The following MYO10 variants were observed in gnomAD, a reference collection of about 807,000 sequenced individuals.
The protein encoded by MYO10 is unconventional myosin-X.
Under a neutral mutation model 257.3 loss-of-function variants are expected in MYO10, and 133 were observed. The observed-to-expected ratio is 0.52, with a 90% CI of 0.45 to 0.60. MYO10 has a LOEUF of 0.60. Ranked by LOEUF, MYO10 falls within the 20% of genes least tolerant of loss-of-function variation. MYO10 has a pLI of 0.00. For missense variants in MYO10, 2,399 were observed against 2,635.7 expected, an observed-to-expected ratio of 0.91 and a Z score of 1.97; for synonymous variants, 1,104 against 1,028.6, an observed-to-expected ratio of 1.07 and a Z score of -1.40.
In MYO10 at chr5:16,917,779, G is replaced by C. The variant is rs550546693; in HGVS notation, c.21+18009C>G. ...GTCCCAGCTACTCAAAAGGCCGAAC[G>C]GGGGAGAATCTCTTGAGCCCAGGAG... On this transcript the variant is annotated intron_variant, in intron 1 of 40. Transcript: ENST00000513610. 9.5e-4 allele frequency among the ~76,000 whole-genome samples: 145 copies of C among 152,114 alleles called. 2 individuals carry two copies. The highest frequency in any genetic ancestry group is 1.8e-3 in the Non-Finnish European group (125 of 67,970).
chr5:16,781,665 G>C (rs868475829), intron 6 of MYO10, 40 bp downstream of exon 6: 4 of 1,572,216 alleles, frequency 2.5e-6, no homozygotes, highest in Non-Finnish European at 3.5e-6. Flanking sequence ...TCCACTTAGA[G>C]AATCAATTAC....
chr5:16,772,180 T>C (rs1741072848), intron 9 of MYO10, among the ~76,000 whole-genome samples: 1 of 151,914 alleles, frequency 6.6e-6, no homozygotes, highest in African/African-American at 2.4e-5. Flanking sequence ...TTGCCCAGGC[T>C]GGAGTGCAAT....
intron 9 of MYO10, among the ~76,000 whole-genome samples, chr5:16,772,943 G>T (rs533818502): frequency 6.6e-6 from 1 of 152,134 alleles, no homozygotes; most frequent in Non-Finnish European, 1.5e-5. Flanking sequence ...CTGGGAAGGG[G>T]CACAGAGAAA....
chr5:16,666,786 T>G lies in MYO10; in HGVS notation c.6083A>C (p.Asp2028Ala). 6.2e-7 allele frequency: 1 copy of G among 1,601,082 alleles called. No homozygotes were observed. Among genetic ancestry groups the G allele is most frequent in the Non-Finnish European group, 8.5e-7 (1 of 1,175,438 alleles). The change falls in exon 41 of 41, where the codon GAT (aspartate) becomes GCT (alanine). Residue 2028 changes from aspartate to alanine, a missense_variant. Coordinates refer to ENST00000513610, the MANE Select transcript of MYO10 (RefSeq NM_012334.3). Reference protein sequence around the residue: ...ELLFETSEVVDVAKLMKAYIS... With the variant: ...ELLFETSEVVAVAKLMKAYIS... Reference sequence around the variant, plus strand: ...GTAGGCTTTCATGAGCTTGGCCACATCCACCACCTGCCCAGGGGGAAGCAG... The same window carrying G: ...GTAGGCTTTCATGAGCTTGGCCACAGCCACCACCTGCCCAGGGGGAAGCAG...
chr5:16,872,099 A>G (rs1411014289), intron 2 of MYO10, among the ~76,000 whole-genome samples: 4 of 152,196 alleles, frequency 2.6e-5, no homozygotes, highest in Non-Finnish European at 5.9e-5. Context: ...CCTCACTAAG[A>G]GCTGCCCATG....
At chr5:16,879,289 T>A (rs1028601481) in intron 1 of MYO10, among the ~76,000 whole-genome samples, 29 of 152,220 alleles carry the variant, frequency 1.9e-4, no homozygotes, top group Non-Finnish European at 4.3e-4. Context: ...TTTTGTTAAA[T>A]ATTTGAAATA....
At position 16,670,725 on chromosome 5, in the gene MYO10, G is replaced by A. The variant is rs778937404; in HGVS notation, c.5684C>T (p.Thr1895Ile). The change falls in exon 39 of 41, where the codon ACA becomes ATA. Residue 1895 changes from threonine to isoleucine, a missense_variant. Coordinates refer to ENST00000513610, the MANE Select transcript of MYO10 (RefSeq NM_012334.3). ...LEGTLRRSFRTGSVVRQKVEE... is the reference protein window; with the variant it reads ...LEGTLRRSFRIGSVVRQKVEE... ...GACCTTCTGCCGGACCACGGATCCT[G>A]TCCGGAAGCTCCGCCTCAGGGTCCC... 6.2e-7 allele frequency: 1 copy of A among 1,614,038 alleles called. No homozygotes were observed. Among genetic ancestry groups the A allele is most frequent in the Admixed American group, 1.7e-5 (1 of 60,024 alleles).
intron 31 of MYO10, 97 bp downstream of exon 31, chr5:16,681,774 G>A (rs1032405590): frequency 1.4e-6 from 2 of 1,400,852 alleles, no homozygotes; most frequent in African/African-American, 2.9e-5. Context: ...TAAAATGACT[G>A]GGAAAAGCAG....
chr5:16,773,763 T>TA (rs1013756443), intron 9 of MYO10, among the ~76,000 whole-genome samples: 9 of 150,862 alleles, frequency 6.0e-5, no homozygotes, highest in African/African-American at 1.7e-4. Flanking sequence ...GGTTAAGTTC[T>TA]AAAAAAAAAT....
chr5:16,935,639 C>G (rs1746418695), intron 1 of MYO10, 149 bp downstream of exon 1: 1 of 889,842 alleles, frequency 1.1e-6, no homozygotes, highest in Admixed American at 2.1e-5. Flanking sequence ...ATCAGAGACT[C>G]CGCGGGGGGA....
At chr5:16,697,141 C>G (rs1356751209) in intron 26 of MYO10, among the ~76,000 whole-genome samples, 1 of 152,096 alleles carries the variant, frequency 6.6e-6, no homozygotes, top group Non-Finnish European at 1.5e-5. Flanking sequence ...CTCCCCTAAA[C>G]CAAACCTTCT....
At chr5:16,797,546 C>A (rs1742006440) in intron 3 of MYO10, among the ~76,000 whole-genome samples, 1 of 152,196 alleles carries the variant, frequency 6.6e-6, no homozygotes, top group Non-Finnish European at 1.5e-5. Flanking sequence ...AAGCACCATT[C>A]ACAACAGCCA....
Position 16,673,840 on chromosome 5 carries a change from T to C in MYO10, c.5014A>G (p.Thr1672Ala), listed in dbSNP as rs751655158. 38 of 1,613,844 alleles carry C rather than the reference T, an allele frequency of 2.4e-5. No individual in the cohort carries two copies. The Middle Eastern group carries it at 4.9e-4, about 21-fold the overall frequency. The change falls in exon 36 of 41, where the codon ACT (threonine) becomes GCT (alanine). Residue 1672 changes from threonine to alanine, a missense_variant. Physicochemically the swap from Thr to Ala is moderately conservative, Grantham distance 58 (BLOSUM62 0). This residue lies in a region of MYO10 where 1,820 missense variants were observed against 1,939.4 expected (regional missense o/e 0.94). Transcript: ENST00000513610. Reference protein sequence around the residue: ...GSEMEKYALFTYESLKKTKCR... With the variant: ...GSEMEKYALFAYESLKKTKCR... ...TTGGTTTTCTTAAGAGATTCGTAAG[T>C]GAAGAGAGCGTATTTTTCCATCTCG... is the stretch of plus-strand genomic sequence containing the variant.
intron 2 of MYO10, among the ~76,000 whole-genome samples, chr5:16,849,371 A>G (rs985820468): frequency 6.6e-6 from 1 of 152,008 alleles, no homozygotes; most frequent in Admixed American, 6.5e-5. Context: ...TAAGTCAGTT[A>G]TGAGTAAATG....
At chr5:16,683,745 G>C in intron 30 of MYO10, 135 bp downstream of exon 30, 1 of 772,528 alleles carries the variant, frequency 1.3e-6, no homozygotes, top group Non-Finnish European at 2.1e-6. Flanking sequence ...GGATTGCTGG[G>C]GTTGACAAGG....
At chr5:16,861,531 C>A (rs1052574187) in intron 2 of MYO10, among the ~76,000 whole-genome samples, 2 of 152,084 alleles carry the variant, frequency 1.3e-5, no homozygotes, top group Admixed American at 1.3e-4. Context: ...GAGATCGCGC[C>A]ATGGCACTCC....
chr5:16,762,635 T>A lies in MYO10; in HGVS notation c.1497A>T (p.Lys499Asn). 6.3e-7 allele frequency: 1 copy of A among 1,595,678 alleles called. No homozygotes were observed. The highest frequency in any genetic ancestry group is 1.1e-5 in the South Asian group (1 of 87,714). ...CATTGATAAGGGCTAGGAGGCCAAGTTTCTAGAAGAAGAAAAAGAAAAAAT... is the reference window on the plus strand; with the variant it reads ...CATTGATAAGGGCTAGGAGGCCAAGATTCTAGAAGAAGAAAAAGAAAAAAT... ...NGECLDLIEK[K>N]LGLLALINEE... The change falls in exon 15 of 41, where the codon AAA becomes AAT. Residue 499 changes from lysine (K) to asparagine (N), a missense_variant and splice_region_variant. By Grantham distance (94) the Lys-to-Asn change is moderately conservative. Transcript: ENST00000513610.
chr5:16,667,515 T>C (rs1736230665), intron 40 of MYO10, among the ~76,000 whole-genome samples: 2 of 152,166 alleles, frequency 1.3e-5, no homozygotes, highest in African/African-American at 4.8e-5. Context: ...CAGTGGTTCC[T>C]TGTTGTCTAC....
rs1255174654 is a variant in MYO10, at chr5:16,689,863, C to G, written c.3857G>C (p.Arg1286Thr). ...ENGIDIIMAD[R>T]TFHLIAESPE... ...GGACTCTGCAATCAGGTGGAAAGTC[C>G]TATCGGCCATAATGATGTCGATCCC... The change falls in exon 28 of 41, where the codon AGG becomes ACG. Residue 1286 changes from arginine (R) to threonine (T), a missense_variant. Around this residue, in one of 3 missense-constraint regions of MYO10, gnomAD observed 1,820 missense variants for 1,939.4 expected, o/e 0.94. Transcript: ENST00000513610. The G allele has an allele frequency of 6.2e-7, 1 of 1,613,804 alleles. No individual in the cohort carries two copies. Among genetic ancestry groups the G allele is most frequent in the Admixed American group, 1.7e-5 (1 of 59,996 alleles).
Sources: allele counts gnomAD v4.1 joint callset (sites outside exome capture counted in the v4.1 genomes callset), GRCh38; gene constraint gnomAD v4.1.1; regional missense constraint gnomAD v4.1.1; transcripts MANE v1.5; gene names NCBI Gene and HGNC (gene_info 2026-07-23, HGNC 2026-07-21).